The following RAI1 variants were observed in gnomAD, a reference collection of about 807,000 sequenced individuals.
The protein encoded by RAI1 is retinoic acid induced 1.
RAI1 carries 9 observed loss-of-function variants against 123.8 expected under a neutral mutation model. The ratio of observed to expected loss-of-function variants is 0.07; its 90% CI spans 0.04 to 0.13. RAI1 has a LOEUF of 0.13. Among genes scored for constraint, RAI1 ranks in the 10% least tolerant of loss-of-function variants. RAI1 has a pLI of 1.00. For missense variants in RAI1, 2,256 were observed against 2,545.8 expected (o/e 0.89, Z 2.45); for synonymous variants, 1,231 against 1,127.3 (o/e 1.09, Z -1.84).
rs777498429 is a variant in RAI1, at chr17:17,796,525, C to T, written c.3577C>T (p.Pro1193Ser). 1.2e-6 allele frequency: 2 copies of T among 1,611,134 alleles called. No individual in the cohort carries two copies. Among genetic ancestry groups the T allele is most frequent in the African/African-American group, 2.7e-5 (2 of 75,060 alleles). ...CGCCACATTCAAGGTCTCCAGCAGC[C>T]CCCAGAAGGAGGGCAGGGTGAGCCA... ...LPATFKVSSSPQKEGRVSQRA... is the reference protein window; with the variant it reads ...LPATFKVSSSSQKEGRVSQRA... Residue 1193 changes from proline (P) to serine (S), a missense_variant, in exon 3 of 6, where the codon CCC becomes TCC. Pro to Ser is a moderately conservative substitution (Grantham distance 74). Transcript: ENST00000353383. This position sits in a 1 kb window ranked among gnomAD's most constrained non-coding sequence, Gnocchi z 5.8.
chr17:17,713,116 C>G (rs2142908675), intron 1 of RAI1, among the ~76,000 whole-genome samples: 1 of 152,068 alleles, frequency 6.6e-6, no homozygotes, highest in South Asian at 2.1e-4. Context: ...GAGTTGTCCC[C>G]TTTAAAAGGG....
intron 1 of RAI1, among the ~76,000 whole-genome samples, chr17:17,712,120 G>A (rs1474718190): frequency 6.6e-6 from 1 of 152,214 alleles, no homozygotes; most frequent in Non-Finnish European, 1.5e-5. Context: ...GGGGCGCTTG[G>A]GTTTTTGCAT....
Position 17,697,961 on chromosome 17 carries a change from G to A in RAI1, c.-149+16168G>A, listed in dbSNP as rs1384808898. The stretch of plus-strand genomic sequence containing the variant: ...CTTTTCATCAGTGGTGGGGCATTGC[G>A]CACTGACTGAGTTGCTGGGGCATCT... On this transcript the variant is annotated intron_variant, in intron 1 of 5. Transcript: ENST00000353383. Among the ~76,000 whole-genome samples, 6 of 152,316 alleles carry A rather than the reference G, an allele frequency of 3.9e-5. No individual in the cohort carries two copies. In the East Asian group the frequency reaches 5.8e-4, roughly 15 times the overall value.
chr17:17,794,977 G>T lies in RAI1; in HGVS notation c.2029G>T (p.Gly677Cys), dbSNP rs754646763. The T allele has an allele frequency of 7.4e-6, 12 of 1,613,836 alleles. No homozygotes were observed. The highest frequency in any genetic ancestry group is 1.0e-5 in the Non-Finnish European group (12 of 1,180,042). The change falls in exon 3 of 6, where the codon GGC becomes TGC. Residue 677 changes from glycine (G) to cysteine (C), a missense_variant. Around this residue, in one of 7 missense-constraint regions of RAI1, gnomAD observed 566 missense variants for 616.0 expected, o/e 0.92. Coordinates refer to ENST00000353383, the MANE Select transcript of RAI1 (RefSeq NM_030665.4). Reference protein sequence around the residue: ...LPDSLQLDKGGNAKDFSPGLF... With the variant: ...LPDSLQLDKGCNAKDFSPGLF... ...CGACTCCTTGCAGCTGGACAAGGGC[G>T]GCAATGCCAAGGACTTCAGCCCAGG...
intron 2 of RAI1, among the ~76,000 whole-genome samples, chr17:17,761,632 T>A (rs1241753650): frequency 6.6e-6 from 1 of 152,112 alleles, no homozygotes; most frequent in Non-Finnish European, 1.5e-5. Flanking sequence ...CCAGGCAAAC[T>A]AGGAGCAGGT....
rs928661403 is a variant in RAI1 at position 17,810,986 on chromosome 17, C to T, written c.*1005C>T. On this transcript the variant is annotated 3_prime_UTR_variant, in exon 6 of 6. Coordinates refer to ENST00000353383, the MANE Select transcript of RAI1 (RefSeq NM_030665.4). This position sits in a 1 kb window ranked among gnomAD's most constrained non-coding sequence, Gnocchi z 4.6. ...CCGTGTGTCGCCGCCGTGCGTCGTG[C>T]GCCCGCAACAGAGCCCCAACCGGGC... The T allele has an allele frequency of 1.1e-4, 36 of 320,416 alleles. No individual in the cohort carries two copies. The highest frequency in any genetic ancestry group is 7.8e-4 in the African/African-American group (35 of 44,590). 19.8% of individuals were successfully genotyped at this position (320,416 alleles called of 1,614,324 possible). A position where few individuals can be genotyped will look rare whatever the true frequency, so the allele number is the denominator to read the frequency against.
rs769812406 is a variant in RAI1 at position 17,795,906 on chromosome 17, C to G, written c.2958C>G (p.Ile986Met). ...AGCCTGCTGTGCCCGAGGCGCCCAT[C>G]GCAAAGAAAGAGCCTGTGCCACGGG... ...PNKPAVPEAP[I>M]AKKEPVPRGK... The change falls in exon 3 of 6, where the codon ATC becomes ATG. Residue 986 changes from isoleucine to methionine, a missense_variant. This residue lies in a region of RAI1 where 566 missense variants were observed against 616.0 expected (regional missense o/e 0.92). Transcript: ENST00000353383. The surrounding 1 kb of genome is among the most constrained non-coding windows in gnomAD (Gnocchi z 5.9). 6 of 1,611,080 alleles carry G rather than the reference C, an allele frequency of 3.7e-6. No homozygotes were observed. The East Asian group carries it at 1.3e-4, about 36-fold the overall frequency.
At position 17,800,809 on chromosome 17, in the gene RAI1, C is replaced by T. The variant is rs1035629368; in HGVS notation, c.5565+2296C>T. Among the ~76,000 whole-genome samples the T allele has an allele frequency of 2.6e-5, 4 of 152,372 alleles. No homozygotes were observed. Among genetic ancestry groups the T allele is most frequent in the South Asian group, 2.1e-4 (1 of 4,832 alleles). ...CCAGGGTCACTTTTGGCTCACCACCCCTTCCTGCCTCAGTGGCTTGGGGGC... is the reference window on the plus strand; with the variant it reads ...CCAGGGTCACTTTTGGCTCACCACCTCTTCCTGCCTCAGTGGCTTGGGGGC... On this transcript the variant is annotated intron_variant, in intron 3 of 5. Coordinates refer to ENST00000353383, the MANE Select transcript of RAI1 (RefSeq NM_030665.4). This position sits in a 1 kb window ranked among gnomAD's most constrained non-coding sequence, Gnocchi z 4.7.
intron 1 of RAI1, among the ~76,000 whole-genome samples, chr17:17,692,608 C>T (rs1191482547): frequency 1.3e-5 from 2 of 152,222 alleles, no homozygotes; most frequent in Admixed American, 6.5e-5. Flanking sequence ...GTTAGTCACT[C>T]ATCCATTCGG....
At chr17:17,722,411 C>T (rs2142925986) in intron 1 of RAI1, among the ~76,000 whole-genome samples, 1 of 152,330 alleles carries the variant, frequency 6.6e-6, no homozygotes, top group South Asian at 2.1e-4. Flanking sequence ...CCCTGTGGCG[C>T]CTAATTACGT....
chr17:17,807,106 A>C (rs1445542161), intron 4 of RAI1, among the ~76,000 whole-genome samples: 1 of 152,098 alleles, frequency 6.6e-6, no homozygotes, highest in East Asian at 1.9e-4. Flanking sequence ...CAGCTGGCTG[A>C]GGAGGAGGGT....
chr17:17,699,631 G>GC (rs1489344787), intron 1 of RAI1, among the ~76,000 whole-genome samples: 3 of 129,842 alleles, frequency 2.3e-5, no homozygotes, highest in African/African-American at 6.9e-5. Context: ...CGGGGGGCCG[G>GC]GGGGGGGGGA....
intron 3 of RAI1, chr17:17,802,050 C>G (rs1347994912): frequency 4.2e-6 from 2 of 470,652 alleles, no homozygotes; most frequent in Non-Finnish European, 8.8e-6. Flanking sequence ...CACGGTGGCA[C>G]TGTGGCTCTG....
At chr17:17,716,907 C>T (rs535708642) in intron 1 of RAI1, among the ~76,000 whole-genome samples, 2 of 152,298 alleles carry the variant, frequency 1.3e-5, no homozygotes, top group South Asian at 2.1e-4. Flanking sequence ...CCCTGGGTGG[C>T]CTGGTGGAAT....
intron 2 of RAI1, among the ~76,000 whole-genome samples, chr17:17,761,517 G>A (rs2030695523): frequency 6.6e-6 from 1 of 152,210 alleles, no homozygotes; most frequent in African/African-American, 2.4e-5. Flanking sequence ...CCGGGGGATG[G>A]TGGAAGGGGA....
At chr17:17,711,276 C>G (rs199828798) in intron 1 of RAI1, among the ~76,000 whole-genome samples, 1 of 152,194 alleles carries the variant, frequency 6.6e-6, no homozygotes, top group African/African-American at 2.4e-5. Context: ...GCCGCAGCAC[C>G]CCTGGAGCAC....
intron 1 of RAI1, among the ~76,000 whole-genome samples, chr17:17,695,880 T>C (rs1046861271): frequency 6.6e-6 from 1 of 152,194 alleles, no homozygotes; most frequent in Non-Finnish European, 1.5e-5. Context: ...CTACCTGTAC[T>C]GAGTAGGCAG....
At chr17:17,703,716 CT>C (rs1174917405) in intron 1 of RAI1, among the ~76,000 whole-genome samples, 3 of 152,218 alleles carry the variant, frequency 2.0e-5, no homozygotes, top group Admixed American at 2.0e-4. Flanking sequence ...TCATAAATCA[CT>C]GTAGCCTCGA....
intron 1 of RAI1, chr17:17,684,154 T>C (rs1914540580): frequency 6.6e-6 from 1 of 151,718 alleles, no homozygotes; most frequent in Non-Finnish European, 1.5e-5. Context: ...ATTACAGGAG[T>C]GAGTCACTGC....
Sources: allele counts gnomAD v4.1 joint callset (sites outside exome capture counted in the v4.1 genomes callset), GRCh38; gene constraint gnomAD v4.1.1; regional missense constraint gnomAD v4.1.1; non-coding constraint Gnocchi (gnomAD v3.1); transcripts MANE v1.5; gene names NCBI Gene and HGNC (gene_info 2026-07-23, HGNC 2026-07-21).